The following EYS variants were observed in gnomAD, a reference collection of about 807,000 sequenced individuals.
The protein encoded by EYS is EGF-like photoreceptor maintenance factor.
In EYS, 250 loss-of-function variants were observed where a neutral mutation model predicts 282.1. The observed-to-expected ratio is 0.89, with a 90% CI of 0.80 to 0.98. The LOEUF (loss-of-function observed/expected upper bound fraction) is 0.98. Ranked by LOEUF, EYS falls within the 50% of genes least tolerant of loss-of-function variation. The pLI, the probability that EYS is intolerant of heterozygous loss-of-function variation, is 0.00. For missense variants in EYS, 4,016 were observed against 3,709.0 expected (o/e 1.08, Z -2.15); for synonymous variants, 1,355 against 1,282.9 (o/e 1.06, Z -1.20).
Position 63,853,678 on chromosome 6 carries a change from C to T in EYS, c.7228+10508G>A, listed in dbSNP as rs760103884. Among the ~76,000 whole-genome samples, 4 of 152,156 alleles carry T rather than the reference C, an allele frequency of 2.6e-5. No homozygotes were observed. The South Asian group carries it at 8.3e-4, about 31-fold the overall frequency. ...CAAAAAAGAGCTCATATACCCAAGA[C>T]AATCCTAAGCAAAAAGAACAAAGCT... On this transcript the variant is annotated intron_variant, in intron 36 of 42. Coordinates refer to ENST00000503581, the MANE Select transcript of EYS (RefSeq NM_001142800.2).
chr6:64,629,578 A>G (rs576990852), intron 22 of EYS, among the ~76,000 whole-genome samples: 1 of 152,058 alleles, frequency 6.6e-6, no homozygotes, highest in East Asian at 1.9e-4. Context: ...CTACACAGAG[A>G]TATTATAAAT....
In EYS at chr6:65,030,758, C is replaced by T. The variant is rs149771528; in HGVS notation, c.2137+26856G>A. Among the ~76,000 whole-genome samples the T allele has an allele frequency of 3.0e-3, 453 of 152,162 alleles. 3 individuals carry two copies. Among genetic ancestry groups the T allele is most frequent in the Middle Eastern group, 0.02 (6 of 294 alleles). On this transcript the variant is annotated intron_variant, in intron 13 of 42. Transcript: ENST00000503581. ...TGCTTTATAGTGTCAATCAAGTCTG[C>T]GTAACAACAAACAACAAAATGACAG...
intron 9 of EYS, among the ~76,000 whole-genome samples, chr6:65,352,675 A>ACAC (rs1367371864): frequency 1.3e-5 from 2 of 151,842 alleles, no homozygotes; most frequent in Non-Finnish European, 2.9e-5. Context: ...ATTATGACTC[A>ACAC]CCTTATTACT....
intron 12 of EYS, among the ~76,000 whole-genome samples, chr6:65,144,610 C>T (rs1177206473): frequency 6.6e-6 from 1 of 152,016 alleles, no homozygotes; most frequent in African/African-American, 2.4e-5. Flanking sequence ...TTACAAAAAA[C>T]TCTTACTTTT....
At chr6:64,798,507 T>G (rs1187120855) in intron 22 of EYS, among the ~76,000 whole-genome samples, 1 of 151,676 alleles carries the variant, frequency 6.6e-6, no homozygotes, top group African/African-American at 2.4e-5. Flanking sequence ...GGATGCCATG[T>G]TATCCATGTA....
chr6:64,816,673 T>A (rs1392619110), intron 21 of EYS, among the ~76,000 whole-genome samples: 3 of 152,082 alleles, frequency 2.0e-5, no homozygotes, highest in Non-Finnish European at 2.9e-5. Context: ...ATAATCACAT[T>A]TTGTCAGAAC....
intron 26 of EYS, among the ~76,000 whole-genome samples, chr6:64,528,651 T>A (rs1212991237): frequency 6.6e-6 from 1 of 152,004 alleles, no homozygotes; most frequent in East Asian, 1.9e-4. Context: ...CTTTGAACAC[T>A]GTCTTAAAAA....
intron 12 of EYS, among the ~76,000 whole-genome samples, chr6:65,145,699 GTAATACACAGTTTGATCC>G (rs1764460171): frequency 1.3e-5 from 2 of 151,938 alleles, no homozygotes; most frequent in African/African-American, 4.8e-5. Flanking sequence ...TATTTATTCA[GTAATACACAGTTTGATCC>G]TAAGATATTC....
At chr6:63,760,715 T>C (rs1295496487) in intron 41 of EYS, among the ~76,000 whole-genome samples, 1 of 151,808 alleles carries the variant, frequency 6.6e-6, no homozygotes, top group African/African-American at 2.4e-5. Flanking sequence ...CTTCTATCTA[T>C]ACATCCATTC....
chr6:64,897,632 G>C (rs1767516815), intron 18 of EYS, among the ~76,000 whole-genome samples: 1 of 152,308 alleles, frequency 6.6e-6, no homozygotes, highest in Non-Finnish European at 1.5e-5. Context: ...GTAGGCTTTA[G>C]AAGGTGGGTA....
intron 31 of EYS, among the ~76,000 whole-genome samples, chr6:64,157,318 G>C (rs1774961250): frequency 6.6e-6 from 1 of 152,058 alleles, no homozygotes; most frequent in Non-Finnish European, 1.5e-5. Context: ...GTTGCATTCA[G>C]TTTTATAAGG....
chr6:64,931,096 A>G (rs1009219698), intron 15 of EYS, among the ~76,000 whole-genome samples: 1 of 152,162 alleles, frequency 6.6e-6, no homozygotes, highest in Non-Finnish European at 1.5e-5. Context: ...CCAGTTGTTT[A>G]GAGAGATGAG....
At chr6:65,277,069 T>C (rs1450135372) in intron 12 of EYS, among the ~76,000 whole-genome samples, 1 of 151,976 alleles carries the variant, frequency 6.6e-6, no homozygotes, top group African/African-American at 2.4e-5. Flanking sequence ...CATTAGAAAA[T>C]GAGGCCACTG....
chr6:64,218,284 G>A (rs928850328), intron 31 of EYS, among the ~76,000 whole-genome samples: 1 of 152,072 alleles, frequency 6.6e-6, no homozygotes, highest in African/African-American at 2.4e-5. Flanking sequence ...TTACTAAAAA[G>A]CCTTACAATC....
chr6:64,493,142 C>A (rs1776787803), intron 26 of EYS, among the ~76,000 whole-genome samples: 1 of 151,332 alleles, frequency 6.6e-6, no homozygotes, highest in Non-Finnish European at 1.5e-5. Flanking sequence ...TCTTTCTTTT[C>A]ATTTATAATT....
intron 33 of EYS, among the ~76,000 whole-genome samples, chr6:64,043,286 A>C (rs1442557457): frequency 1.3e-5 from 2 of 152,216 alleles, no homozygotes; most frequent in Non-Finnish European, 2.9e-5. Flanking sequence ...TTCATGTACA[A>C]TATGAAATGC....
intron 8 of EYS, among the ~76,000 whole-genome samples, chr6:65,365,983 T>C (rs1764900866): frequency 6.6e-6 from 1 of 151,746 alleles, no homozygotes; most frequent in Non-Finnish European, 1.5e-5. Context: ...ATCATGTAGA[T>C]ACCAATTTCT....
chr6:64,181,857 T>G (rs372033089), intron 31 of EYS, among the ~76,000 whole-genome samples: 9 of 152,176 alleles, frequency 5.9e-5, no homozygotes, highest in African/African-American at 1.9e-4. Flanking sequence ...TGCAAGCAAT[T>G]CATTTTTGTT....
chr6:64,596,003 C>G (rs1358937483), intron 24 of EYS, among the ~76,000 whole-genome samples: 1 of 152,072 alleles, frequency 6.6e-6, no homozygotes, highest in Non-Finnish European at 1.5e-5. Flanking sequence ...AGATAGTTTA[C>G]AGTCATAACA....
Sources: allele counts gnomAD v4.1 joint callset (sites outside exome capture counted in the v4.1 genomes callset), GRCh38; gene constraint gnomAD v4.1.1; transcripts MANE v1.5; gene names NCBI Gene and HGNC (gene_info 2026-07-23, HGNC 2026-07-21).